FASTKD1: variants seen among roughly 807,000 people sequenced by gnomAD.
FASTKD1 encodes FAST kinase domain-containing protein 1, mitochondrial.
Under a neutral mutation model 90.9 loss-of-function variants are expected in FASTKD1, and 94 were observed. That is an observed-to-expected ratio of 1.03 (90% CI 0.88 to 1.23). FASTKD1 has a LOEUF of 1.23. FASTKD1 is among the 50% of genes most tolerant of loss of function. FASTKD1 has a pLI of 0.00. For missense variants in FASTKD1, 945 were observed against 993.5 expected (o/e 0.95, Z 0.66); for synonymous variants, 319 against 345.8 (o/e 0.92, Z 0.86).
intron 12 of FASTKD1, among the ~76,000 whole-genome samples, chr2:169,533,075 A>T (rs769170234): frequency 1.3e-4 from 20 of 152,118 alleles, no homozygotes; most frequent in Non-Finnish European, 2.9e-4. Flanking sequence ...TCAATCCTTG[A>T]TCATTGAGTT....
intron 9 of FASTKD1, among the ~76,000 whole-genome samples, chr2:169,541,882 G>A (rs1281098456): frequency 2.0e-5 from 3 of 152,088 alleles, no homozygotes; most frequent in South Asian, 2.1e-4. Context: ...CTGCCACACT[G>A]AATCCACTGT....
Position 169,529,721 on chromosome 2 carries a change from T to C in FASTKD1, c.*104A>G, listed in dbSNP as rs1684392807. 1 of 730,082 alleles carries C rather than the reference T, an allele frequency of 1.4e-6. No homozygotes were observed. The highest frequency in any genetic ancestry group is 2.3e-6 in the Non-Finnish European group (1 of 440,254). The allele number at this position is 730,082 out of a possible 1,614,324, so 45.2% of individuals were successfully genotyped here. On this transcript the variant is annotated 3_prime_UTR_variant, in exon 15 of 15. Transcript: ENST00000453153. ...TTGTTATTCTCAAACATGCCAGGCA[T>C]GTTCCCACCTTAGGACATTTGTACC...
chr2:169,535,438 C>T (rs1482135489), intron 12 of FASTKD1, among the ~76,000 whole-genome samples: 2 of 134,994 alleles, frequency 1.5e-5, no homozygotes, highest in Non-Finnish European at 3.1e-5. Flanking sequence ...ACCATGCCTG[C>T]TATTTATTTA....
chr2:169,538,144 G>T lies in FASTKD1; in HGVS notation c.1946-3C>A. On this transcript the variant is annotated splice_polypyrimidine_tract_variant and splice_region_variant and intron_variant, in intron 10 of 14. Coordinates refer to ENST00000453153, the MANE Select transcript of FASTKD1 (RefSeq NM_024622.6). ...TGCACTTCGAGATGGAGATAAAACT[G>T]AAATTAATAAAATACTAATGAATTT... 6.3e-7 allele frequency: 1 copy of T among 1,587,750 alleles called. No individual in the cohort carries two copies. Among genetic ancestry groups the T allele is most frequent in the Non-Finnish European group, 8.5e-7 (1 of 1,172,522 alleles).
At chr2:169,530,043 T>C (rs1274883493) in intron 14 of FASTKD1, 117 bp from the exon 15 acceptor site, 5 of 731,578 alleles carry the variant, frequency 6.8e-6, no homozygotes, top group African/African-American at 3.6e-5. Context: ...TTAGTTTACA[T>C]AAGGATAGCC....
chr2:169,571,652 C>G lies in FASTKD1; in HGVS notation c.377+1G>C, dbSNP rs1243872545. On this transcript the variant is annotated splice_donor_variant, in intron 2 of 14. Transcript: ENST00000453153. LOFTEE classifies it high-confidence loss of function. Reference sequence around the variant, plus strand: ...ATAAAATATAAAAGTAAATTACTTACTGTTGTGTGACGTATAACACATTCA... The same window carrying G: ...ATAAAATATAAAAGTAAATTACTTAGTGTTGTGTGACGTATAACACATTCA... 2.0e-6 allele frequency: 3 copies of G among 1,535,438 alleles called. No homozygotes were observed. Among genetic ancestry groups the G allele is most frequent in the Non-Finnish European group, 2.7e-6 (3 of 1,124,672 alleles).
chr2:169,566,011 T>G (rs553224483), intron 3 of FASTKD1, among the ~76,000 whole-genome samples: 1 of 152,350 alleles, frequency 6.6e-6, no homozygotes, highest in South Asian at 2.1e-4. Context: ...TTTGCCCATT[T>G]TTTGATTGGA....
rs751768674 is a variant in FASTKD1 at position 169,571,879 on chromosome 2, G to A, written c.151C>T (p.Gln51Ter). 4 of 1,613,972 alleles carry A rather than the reference G, an allele frequency of 2.5e-6. No homozygotes were observed. The highest frequency in any genetic ancestry group is 1.1e-5 in the South Asian group (1 of 91,070). The part of the protein sequence containing the change: ...IQMNKCTDEE[Q>*]MFGFIERNKA... ...TTTCTTTCAATAAAACCAAACATTTGCTCCTCATCTGTACACTTATTCATC... is the reference window on the plus strand; with the variant it reads ...TTTCTTTCAATAAAACCAAACATTTACTCCTCATCTGTACACTTATTCATC... Residue 51 changes from glutamine (Q) to a stop codon, truncating the protein, a stop_gained, in exon 2 of 15, where the codon CAA becomes TAA. Transcript: ENST00000453153. LOFTEE classifies it high-confidence loss of function.
rs749911359 is a variant in FASTKD1 at position 169,546,709 on chromosome 2, A to G, written c.1215-5T>C. 1 of 1,590,032 alleles carries G rather than the reference A, an allele frequency of 6.3e-7. No individual in the cohort carries two copies. Among genetic ancestry groups the G allele is most frequent in the South Asian group, 1.1e-5 (1 of 88,112 alleles). ...ATGAAACTATTTTTCAAATAACTGCAAAATGAAAAATGAAAAGAATACATC... is the reference window on the plus strand; with the variant it reads ...ATGAAACTATTTTTCAAATAACTGCGAAATGAAAAATGAAAAGAATACATC... On this transcript the variant is annotated splice_region_variant and splice_polypyrimidine_tract_variant and intron_variant, in intron 7 of 14. Coordinates refer to ENST00000453153, the MANE Select transcript of FASTKD1 (RefSeq NM_024622.6).
intron 7 of FASTKD1, 41 bp from the exon 8 acceptor site, chr2:169,546,745 C>G (rs1479018005): frequency 6.5e-7 from 1 of 1,541,564 alleles, no homozygotes; most frequent in Non-Finnish European, 8.8e-7. Flanking sequence ...AGCAACAAAC[C>G]CAAAATATAT....
chr2:169,547,397 C>T (rs1041494856), intron 7 of FASTKD1, among the ~76,000 whole-genome samples: 3 of 152,072 alleles, frequency 2.0e-5, no homozygotes, highest in Non-Finnish European at 2.9e-5. Flanking sequence ...CTCAGGGGAG[C>T]GTCTTAAGAC....
intron 12 of FASTKD1, among the ~76,000 whole-genome samples, chr2:169,535,319 G>A (rs953375833): frequency 6.6e-6 from 1 of 151,266 alleles, no homozygotes; most frequent in East Asian, 2.0e-4. Context: ...TGGGACTACA[G>A]GGGCATGCCA....
chr2:169,541,677 G>C (rs1684963076), intron 9 of FASTKD1, among the ~76,000 whole-genome samples: 1 of 152,088 alleles, frequency 6.6e-6, no homozygotes, highest in African/African-American at 2.4e-5. Context: ...CTTCACCAGA[G>C]GTCTAAAGAT....
chr2:169,561,680 T>G (rs1043020203), intron 4 of FASTKD1, among the ~76,000 whole-genome samples: 3 of 148,988 alleles, frequency 2.0e-5, no homozygotes, highest in Non-Finnish European at 3.0e-5. Flanking sequence ...TAATTATAAA[T>G]TAATCCATTA....
intron 10 of FASTKD1, 67 bp downstream of exon 10, chr2:169,539,984 A>C: frequency 9.9e-7 from 1 of 1,013,158 alleles, no homozygotes; most frequent in Non-Finnish European, 1.4e-6. Flanking sequence ...TCTTCAGTAT[A>C]GATAGACCTG....
chr2:169,546,566 C>G lies in FASTKD1; in HGVS notation c.1353G>C (p.Leu451=). 6.2e-7 allele frequency: 1 copy of G among 1,614,124 alleles called. No homozygotes were observed. The highest frequency in any genetic ancestry group is 2.2e-5 in the East Asian group (1 of 44,880). ...TTAAAACAGATGTGGCAAAACTACT[C>G]AGGTTATTTAGGTCACACTGTGGTA... ...AVLPQCDLNN[L]SSFATSVLRW... The change falls in exon 8 of 15, where the codon CTG becomes CTC. Residue 451 remains leucine (L), a synonymous_variant. Coordinates refer to ENST00000453153, the MANE Select transcript of FASTKD1 (RefSeq NM_024622.6).
intron 3 of FASTKD1, among the ~76,000 whole-genome samples, chr2:169,564,570 A>C (rs1255450285): frequency 1.3e-5 from 2 of 152,200 alleles, no homozygotes; most frequent in Non-Finnish European, 2.9e-5. Flanking sequence ...CCTTTGAGTT[A>C]CAAACAATCC....
In FASTKD1 at chr2:169,546,677, A is replaced by C; in HGVS notation, c.1242T>G (p.Thr414=). 8.7e-6 allele frequency: 14 copies of C among 1,603,762 alleles called. No individual in the cohort carries two copies. The highest frequency in any genetic ancestry group is 1.1e-5 in the Non-Finnish European group (13 of 1,175,508). The stretch of plus-strand genomic sequence containing the variant: ...TAGCACGGACCAGAACAGACACCTC[A>C]GTTGGTATGAAACTATTTTTCAAAT... ...LSYLKNSFIP[T]EVSVLVRAIS... The change falls in exon 8 of 15, where the codon ACT becomes ACG. Residue 414 remains threonine (T), a synonymous_variant. Transcript: ENST00000453153.
At chr2:169,564,946 A>ATTTTTTTTTTTTTTTTTTTTTTT (rs151140092) in intron 3 of FASTKD1, among the ~76,000 whole-genome samples, 1 of 130,938 alleles carries the variant, frequency 7.6e-6, no homozygotes. Flanking sequence ...TATATACCAC[A>ATTTTTTTTTTTTTTTTTTTTTTT]TTTTTCTTTT....
Sources: gnomAD v4.1 joint callset for allele counts (sites outside exome capture counted in the v4.1 genomes callset) on GRCh38, gnomAD v4.1.1 for gene constraint, MANE v1.5 for transcripts, NCBI Gene and HGNC (gene_info 2026-07-23, HGNC 2026-07-21) for gene names.